Variants in TENM2 observed in about 807,000 individuals in gnomAD.
TENM2 encodes teneurin-2.
Under a neutral mutation model 245.2 loss-of-function variants are expected in TENM2, and 52 were observed. The ratio of observed to expected loss-of-function variants is 0.21; its 90% CI spans 0.17 to 0.27. The LOEUF (loss-of-function observed/expected upper bound fraction) is 0.27. TENM2 is among the 10% of genes least tolerant of loss of function. The probability of loss-of-function intolerance (pLI) is 1.00; values close to 1 mark genes in which losing one functional copy is unlikely to be tolerated. For synonymous variants in TENM2, 1,363 were observed against 1,438.9 expected, an observed-to-expected ratio of 0.95 and a Z score of 1.19; for missense variants, 3,046 against 3,666.8, an observed-to-expected ratio of 0.83 and a Z score of 4.37.
chr5:167,073,791 G>C, the TENM2 span, among the ~76,000 whole-genome samples: 1 of 152,128 alleles, frequency 6.6e-6, no homozygotes, highest in Admixed American at 6.6e-5. Context: ...TGGCCCTCTT[G>C]ATCTGTTAAA....
At chr5:167,232,866 A>G in the TENM2 span, among the ~76,000 whole-genome samples, 1 of 152,250 alleles carries the variant, frequency 6.6e-6, no homozygotes, top group Non-Finnish European at 1.5e-5. Flanking sequence ...AGTAAATTGA[A>G]TAACGGCTGT....
intron 2 of TENM2, among the ~76,000 whole-genome samples, chr5:167,781,872 C>T (rs1030886778): frequency 2.0e-5 from 3 of 151,716 alleles, no homozygotes; most frequent in African/African-American, 7.3e-5. Context: ...CAAAACTTAG[C>T]TGGGTGTGAA....
intron 2 of TENM2, among the ~76,000 whole-genome samples, chr5:167,757,697 C>T (rs555679864): frequency 5.9e-5 from 9 of 152,258 alleles, no homozygotes; most frequent in Admixed American, 2.6e-4. Context: ...AACTAATTTA[C>T]ACTCCCACCA....
the TENM2 span, among the ~76,000 whole-genome samples, chr5:167,097,550 A>T: frequency 1.1e-4 from 16 of 152,336 alleles, no homozygotes; most frequent in East Asian, 1.5e-3. Flanking sequence ...GGTAGTTGTT[A>T]TAATCCATTT....
chr5:167,463,921 A>G (rs1766484512), intron 2 of TENM2, among the ~76,000 whole-genome samples: 1 of 152,188 alleles, frequency 6.6e-6, no homozygotes, highest in African/African-American at 2.4e-5. Context: ...TGAAGTTTGA[A>G]TTTAGAATGT....
intron 2 of TENM2, among the ~76,000 whole-genome samples, chr5:167,425,902 C>T (rs182682980): frequency 2.7e-4 from 41 of 152,072 alleles, no homozygotes; most frequent in Non-Finnish European, 4.3e-4. Context: ...GTAATACTGT[C>T]GTTAGCATTA....
intron 2 of TENM2, among the ~76,000 whole-genome samples, chr5:167,540,807 T>G (rs1251940303): frequency 6.6e-6 from 1 of 152,206 alleles, no homozygotes; most frequent in African/African-American, 2.4e-5. Context: ...TCTTCATAGA[T>G]CTATAGAAAC....
At chr5:167,461,360 T>A (rs1429465223) in intron 2 of TENM2, among the ~76,000 whole-genome samples, 2 of 152,090 alleles carry the variant, frequency 1.3e-5, no homozygotes, top group African/African-American at 4.8e-5. Context: ...ATTCATTCCT[T>A]GTGGTCCATG....
intron 2 of TENM2, among the ~76,000 whole-genome samples, chr5:167,863,599 G>T (rs1200890843): frequency 6.6e-6 from 1 of 152,126 alleles, no homozygotes; most frequent in Admixed American, 6.5e-5. Context: ...AGCTGAGATT[G>T]TGCCACTGTA....
At chr5:168,155,892 T>TAAAAAAA (rs55977607) in intron 12 of TENM2, among the ~76,000 whole-genome samples, 22 of 96,928 alleles carry the variant, frequency 2.3e-4, no homozygotes, top group African/African-American at 2.9e-4. Context: ...CTGGCATCTG[T>TAAAAAAA]AAAAAAAAAA....
intron 2 of TENM2, among the ~76,000 whole-genome samples, chr5:167,402,384 A>G (rs902788587): frequency 6.6e-6 from 1 of 152,170 alleles, no homozygotes; most frequent in Non-Finnish European, 1.5e-5. Flanking sequence ...TTGAGAATGC[A>G]TGGGTTCATG....
At chr5:167,860,969 A>C (rs7703038) in intron 2 of TENM2, among the ~76,000 whole-genome samples, 16,505 of 123,814 alleles carry the variant, frequency 0.13, 1,787 homozygotes, top group African/African-American at 0.31. Context: ...TTATCTGCTG[A>C]CCTTCCCTCC....
At chr5:167,827,688 C>T (rs1345344622) in intron 2 of TENM2, among the ~76,000 whole-genome samples, 3 of 142,742 alleles carry the variant, frequency 2.1e-5, no homozygotes, top group African/African-American at 7.8e-5. Flanking sequence ...TTTAAAACTT[C>T]TTACCTGAGG....
At chr5:167,012,766 G>A in the TENM2 span, among the ~76,000 whole-genome samples, 9 of 152,104 alleles carry the variant, frequency 5.9e-5, no homozygotes, top group African/African-American at 2.2e-4. Flanking sequence ...AGAATTAGGG[G>A]GACCTTTTTT....
At chr5:167,493,463 A>G (rs1768579213) in intron 2 of TENM2, among the ~76,000 whole-genome samples, 1 of 152,148 alleles carries the variant, frequency 6.6e-6, no homozygotes, top group Non-Finnish European at 1.5e-5. Context: ...ATTGATTCAT[A>G]TAAAAATGGA....
At chr5:167,941,182 G>A (rs139116847) in intron 3 of TENM2, among the ~76,000 whole-genome samples, 64 of 152,296 alleles carry the variant, frequency 4.2e-4, no homozygotes, top group African/African-American at 1.3e-3. Context: ...AACTTGCATG[G>A]CTCATAAATG....
chr5:167,088,783 A>G, the TENM2 span, among the ~76,000 whole-genome samples: 1 of 152,166 alleles, frequency 6.6e-6, no homozygotes, highest in African/African-American at 2.4e-5. Flanking sequence ...TTGCATAATG[A>G]TATTCAGTAC....
chr5:167,073,982 A>G, the TENM2 span, among the ~76,000 whole-genome samples: 25 of 152,224 alleles, frequency 1.6e-4, no homozygotes, highest in African/African-American at 5.8e-4. Context: ...TAAGACACCT[A>G]CAACCATTTT....
At chr5:167,024,704 T>C in the TENM2 span, among the ~76,000 whole-genome samples, 1 of 152,094 alleles carries the variant, frequency 6.6e-6, no homozygotes, top group Admixed American at 6.5e-5. Flanking sequence ...AAGAAAGTCA[T>C]TGAGGCTGGA....
Sources: allele counts gnomAD v4.1 joint callset (sites outside exome capture counted in the v4.1 genomes callset), GRCh38; gene constraint gnomAD v4.1.1; transcripts MANE v1.5; gene names NCBI Gene and HGNC (gene_info 2026-07-23, HGNC 2026-07-21).